Variants in GCC2 observed in about 807,000 individuals in gnomAD.
GCC2 encodes GRIP and coiled-coil domain-containing protein 2.
In GCC2, 120 loss-of-function variants were observed where a neutral mutation model predicts 210.6. That is an observed-to-expected ratio of 0.57 (90% CI 0.49 to 0.66). The LOEUF is 0.66. Among genes scored for constraint, GCC2 ranks in the 30% least tolerant of loss-of-function variants. GCC2 has a pLI of 0.00. For missense variants in GCC2, 1,868 were observed against 1,871.9 expected (o/e 1.00, Z 0.04); for synonymous variants, 703 against 652.7 (o/e 1.08, Z -1.17).
Position 108,502,923 on chromosome 2 carries a change from C to CAAAA in GCC2, c.4984+3182_4984+3185dup, listed in dbSNP as rs34464118. 4.1e-3 allele frequency among the ~76,000 whole-genome samples: 472 copies of CAAAA among 116,120 alleles called. 3 individuals carry two copies. Among genetic ancestry groups the CAAAA allele is most frequent in the African/African-American group, 0.015 (447 of 29,846 alleles). The allele number at this position is 116,120 out of a possible 152,430, so 76.2% of individuals were successfully genotyped here. On this transcript the variant is annotated intron_variant, in intron 22 of 22. Coordinates refer to ENST00000309863, the MANE Select transcript of GCC2 (RefSeq NM_181453.4). ...GAGCAACAAGAGCAAAACCCTGTCTCAAAAAAAAAAAAAAAAGAATGTAAA... is the reference window on the plus strand; with the variant it reads ...GAGCAACAAGAGCAAAACCCTGTCTCAAAAAAAAAAAAAAAAAAAAGAATGTAAA...
intron 1 of GCC2, 33 bp from the exon 2 acceptor site, chr2:108,449,600 C>G (rs200954666): frequency 6.2e-7 from 1 of 1,602,118 alleles, no homozygotes; most frequent in South Asian, 1.1e-5. Flanking sequence ...GAAAAGAGTT[C>G]TTCTGACACC....
chr2:108,459,244 G>T (rs996692987), intron 4 of GCC2, among the ~76,000 whole-genome samples: 3 of 152,052 alleles, frequency 2.0e-5, no homozygotes, highest in Non-Finnish European at 4.4e-5. Context: ...ATTGACCCAT[G>T]GTCATTTGAG....
rs1681183194 is a variant in GCC2 at position 108,470,996 on chromosome 2, A to AT, written c.1667_1668insT (p.Glu556AspfsTer3). On this transcript the variant is annotated frameshift_variant, in exon 6 of 23. Transcript: ENST00000309863. LOFTEE classifies it high-confidence loss of function. ...CTATCTCAACAAGAATTGGTACCAG[A>AT]ACTTGAAAATACCATAAAGAACCTT... The AT allele has an allele frequency of 6.2e-7, 1 of 1,613,168 alleles. No homozygotes were observed. The highest frequency in any genetic ancestry group is 8.5e-7 in the Non-Finnish European group (1 of 1,179,530).
intron 4 of GCC2, 102 bp downstream of exon 4, chr2:108,452,568 C>T: frequency 2.7e-6 from 2 of 742,122 alleles, no homozygotes; most frequent in Non-Finnish European, 4.8e-6. Flanking sequence ...TCTACTTCCT[C>T]TCTGCCTTGG....
intron 3 of GCC2, among the ~76,000 whole-genome samples, chr2:108,451,835 C>T (rs1003544436): frequency 6.9e-6 from 1 of 144,400 alleles, no homozygotes; most frequent in African/African-American, 2.6e-5. Flanking sequence ...TTTTCTCTCT[C>T]TCTCTCTTTT....
intron 17 of GCC2, among the ~76,000 whole-genome samples, chr2:108,488,025 C>T (rs1219389880): frequency 6.6e-6 from 1 of 151,196 alleles, no homozygotes; most frequent in African/African-American, 2.4e-5. Context: ...CCTGCTTCAA[C>T]CTCCTGAGTA....
At position 108,469,635 on chromosome 2, in the gene GCC2, T is replaced by C. The variant is rs1314613507; in HGVS notation, c.322-16T>C. 2.6e-6 allele frequency: 4 copies of C among 1,549,248 alleles called. No homozygotes were observed. Among genetic ancestry groups the C allele is most frequent in the Non-Finnish European group, 3.5e-6 (4 of 1,149,462 alleles). On this transcript the variant is annotated splice_polypyrimidine_tract_variant and intron_variant, in intron 5 of 22. Coordinates refer to ENST00000309863, the MANE Select transcript of GCC2 (RefSeq NM_181453.4). ...TCTTACTTAAATAATTTATGTGTGCTTATTTTTTGTAATAGGATTCTGTAA... is the reference window on the plus strand; with the variant it reads ...TCTTACTTAAATAATTTATGTGTGCCTATTTTTTGTAATAGGATTCTGTAA...
rs767161895 is a variant in GCC2 at position 108,451,048 on chromosome 2, A to G, written c.84A>G (p.Glu28=). ...GKSKLETLPK[E]DLIKFAKKQM... is the part of the protein sequence containing the mutation. ...TTCAGCTGGAAACATTGCCCAAAGA[A>G]GACCTCATCAAGTTTGCCAAGAAAC... The change falls in exon 3 of 23, where the codon GAA becomes GAG. Residue 28 remains glutamate, a synonymous_variant. Coordinates refer to ENST00000309863, the MANE Select transcript of GCC2 (RefSeq NM_181453.4). 6.2e-7 allele frequency: 1 copy of G among 1,612,536 alleles called. No homozygotes were observed. The highest frequency in any genetic ancestry group is 1.1e-5 in the South Asian group (1 of 91,048).
rs1558744710 is a variant in GCC2 at position 108,476,054 on chromosome 2, C to CCTTTTTTTTTTTTTTTT, written c.3060+204_3060+205insCTTTTTTTTTTTTTTTT. Among the ~76,000 whole-genome samples the CCTTTTTTTTTTTTTTTT allele has an allele frequency of 2.7e-4, 26 of 96,328 alleles. 10 individuals are homozygous for CCTTTTTTTTTTTTTTTT. Among genetic ancestry groups the CCTTTTTTTTTTTTTTTT allele is most frequent in the Admixed American group, 2.4e-4 (2 of 8,386 alleles). 63.2% of individuals were successfully genotyped at this position (96,328 alleles called of 152,430 possible). ...TGGTTAAGCTTTAAATAGTGGCTTG[C>CCTTTTTTTTTTTTTTTT]TTTTTTTTTTTTTTTTTTTTTTTTT... is the stretch of plus-strand genomic sequence containing the variant. On this transcript the variant is annotated intron_variant, in intron 9 of 22. Transcript: ENST00000309863.
In GCC2 at chr2:108,449,689, G is replaced by A. The variant is rs1385254547; in HGVS notation, c.63G>A (p.Lys21=). ...CTACCCCTGGGACCGGGAAATCTAA[G>A]GTGAAGAGAATACTTGAATAGCGGG... is the stretch of plus-strand genomic sequence containing the variant. ...SPATPGTGKS[K]LETLPKEDLI... is the part of the protein sequence containing the mutation. The change falls in exon 2 of 23, where the codon AAG becomes AAA. Residue 21 remains lysine (K), a splice_region_variant and synonymous_variant. Coordinates refer to ENST00000309863, the MANE Select transcript of GCC2 (RefSeq NM_181453.4). 2.5e-6 allele frequency: 4 copies of A among 1,612,128 alleles called. No individual in the cohort carries two copies. Among genetic ancestry groups the A allele is most frequent in the African/African-American group, 1.3e-5 (1 of 74,844 alleles).
chr2:108,505,348 A>G (rs143379145), intron 22 of GCC2, among the ~76,000 whole-genome samples: 1 of 152,254 alleles, frequency 6.6e-6, no homozygotes, highest in African/African-American at 2.4e-5. Context: ...GCTTCCTCCT[A>G]CTTTCTAGAA....
rs527733249 is a variant in GCC2, at chr2:108,471,906, T to C, written c.2577T>C (p.Ser859=). 53 of 1,602,272 alleles carry C rather than the reference T, an allele frequency of 3.3e-5. No individual in the cohort carries two copies. The highest frequency in any genetic ancestry group is 3.9e-5 in the Non-Finnish European group (46 of 1,176,168). ...EIQSEKEALQ[S]DLLEMKNANE... is the part of the protein sequence containing the mutation. Reference sequence around the variant, plus strand: ...AGTCAGAAAAAGAGGCCCTGCAGTCTGATCTTCTAGAAATGAAGAATGCTA... The same window carrying C: ...AGTCAGAAAAAGAGGCCCTGCAGTCCGATCTTCTAGAAATGAAGAATGCTA... Residue 859 remains serine (S), a synonymous_variant, in exon 6 of 23, where the codon TCT becomes TCC. Coordinates refer to ENST00000309863, the MANE Select transcript of GCC2 (RefSeq NM_181453.4).
chr2:108,504,314 T>C (rs1276517194), intron 22 of GCC2, among the ~76,000 whole-genome samples: 1 of 152,142 alleles, frequency 6.6e-6, no homozygotes, highest in Non-Finnish European at 1.5e-5. Context: ...TTTTCCTTTC[T>C]GTGGGTTTGG....
rs1682608497 is a variant in GCC2, at chr2:108,495,494, CTCTG to C, written c.4642+13_4642+16del. The C allele has an allele frequency of 1.9e-6, 3 of 1,557,666 alleles. No individual in the cohort carries two copies. Among genetic ancestry groups the C allele is most frequent in the East Asian group, 2.2e-5 (1 of 44,648 alleles). ...TCCCGAAACTAAACTTGGTATGTTA[CTCTG>C]TCTAAATATGTTTTTCTTATTTAAT... On this transcript the variant is annotated intron_variant, in intron 20 of 22. Coordinates refer to ENST00000309863, the MANE Select transcript of GCC2 (RefSeq NM_181453.4).
chr2:108,477,737 T>G (rs538754417), intron 9 of GCC2, among the ~76,000 whole-genome samples: 57 of 152,334 alleles, frequency 3.7e-4, no homozygotes, highest in Non-Finnish European at 7.1e-4. Flanking sequence ...TACAAAAGAC[T>G]TTTTCAAACT....
intron 1 of GCC2, 22 bp from the exon 2 acceptor site, chr2:108,449,611 T>G (rs1232466009): frequency 2.5e-6 from 4 of 1,610,176 alleles, no homozygotes. Context: ...TTCTGACACC[T>G]GGGTTTGATT....
chr2:108,455,313 G>A (rs544109140), intron 4 of GCC2, among the ~76,000 whole-genome samples: 10 of 152,130 alleles, frequency 6.6e-5, no homozygotes, highest in South Asian at 4.2e-4. Context: ...GGTGGCACGC[G>A]CCTATAGCCC....
Position 108,495,376 on chromosome 2 carries a change from C to T in GCC2, c.4533C>T (p.Thr1511=). 2.5e-6 allele frequency: 4 copies of T among 1,576,086 alleles called. No individual in the cohort carries two copies. In the South Asian group the frequency reaches 3.3e-5, roughly 13 times the overall value. Residue 1511 remains threonine, a synonymous_variant, in exon 20 of 23, where the codon ACC becomes ACT. Coordinates refer to ENST00000309863, the MANE Select transcript of GCC2 (RefSeq NM_181453.4). ...CGCTTCTAGACATGCACACTGTAACCCGGGAAGAGGGAGAAGGCATGGAGA... is the reference window on the plus strand; with the variant it reads ...CGCTTCTAGACATGCACACTGTAACTCGGGAAGAGGGAGAAGGCATGGAGA... ...DLPLLDMHTV[T]REEGEGMETT... is the part of the protein sequence containing the mutation.
At chr2:108,452,582 T>G in intron 4 of GCC2, 116 bp downstream of exon 4, 1 of 693,706 alleles carries the variant, frequency 1.4e-6, no homozygotes, top group Non-Finnish European at 2.6e-6. Context: ...GCCTTGGTTG[T>G]TTTTACCTAT....
Sources: gnomAD v4.1 joint callset for allele counts (sites outside exome capture counted in the v4.1 genomes callset) on GRCh38, gnomAD v4.1.1 for gene constraint, MANE v1.5 for transcripts, NCBI Gene and HGNC (gene_info 2026-07-23, HGNC 2026-07-21) for gene names.